Variants in TNIK observed in about 807,000 individuals in gnomAD.
TNIK encodes TRAF2 and NCK interacting kinase, also known as TRAF2 and NCK-interacting protein kinase.
TNIK carries 49 observed loss-of-function variants against 191.3 expected under a neutral mutation model. The observed-to-expected ratio is 0.26, with a 90% CI of 0.20 to 0.32. The LOEUF (loss-of-function observed/expected upper bound fraction) is 0.32, where lower values mean the gene tolerates loss of function less well. Ranked by LOEUF, TNIK falls within the 10% of genes least tolerant of loss-of-function variation. TNIK has a pLI of 1.00. For synonymous variants in TNIK, 594 were observed against 600.9 expected, an observed-to-expected ratio of 0.99 and a Z score of 0.17; for missense variants, 1,155 against 1,702.3, an observed-to-expected ratio of 0.68 and a Z score of 5.66.
intron 12 of TNIK, among the ~76,000 whole-genome samples, chr3:171,144,725 C>T (rs1731299579): frequency 6.6e-6 from 1 of 152,208 alleles, no homozygotes; most frequent in Admixed American, 6.5e-5. Context: ...ACTTATTCCT[C>T]TCGTCTATAG....
At chr3:171,193,465 G>C (rs578123687) in intron 5 of TNIK, among the ~76,000 whole-genome samples, 5 of 152,076 alleles carry the variant, frequency 3.3e-5, no homozygotes, top group Non-Finnish European at 7.4e-5. Context: ...ATTTATTAAG[G>C]TCTTCTTTAA....
At chr3:171,249,470 C>T (rs973570594) in intron 2 of TNIK, among the ~76,000 whole-genome samples, 16 of 152,138 alleles carry the variant, frequency 1.1e-4, no homozygotes, top group Admixed American at 1.0e-3. Context: ...CTTAAGGGGG[C>T]TGGAGGGATG....
rs1315462222 is a variant in TNIK, at chr3:171,073,507, CAAAA to C, written c.3449-2188_3449-2185del. ...ACCTCAAAAGCAAATGCAACAAAAA[CAAAA>C]AAAGACAAATGGGACTTAATTAATA... is the stretch of plus-strand genomic sequence containing the variant. On this transcript the variant is annotated intron_variant, in intron 28 of 32. Transcript: ENST00000436636. 3.3e-5 allele frequency among the ~76,000 whole-genome samples: 5 copies of C among 151,880 alleles called. No homozygotes were observed. The East Asian group carries it at 5.8e-4, about 18-fold the overall frequency.
chr3:171,302,285 T>G (rs368188340), intron 2 of TNIK, among the ~76,000 whole-genome samples: 2 of 152,134 alleles, frequency 1.3e-5, no homozygotes, highest in African/African-American at 4.8e-5. Flanking sequence ...GGAGGTGCAT[T>G]CCTAGTTTGG....
intron 2 of TNIK, among the ~76,000 whole-genome samples, chr3:171,326,947 C>T (rs993577670): frequency 1.1e-4 from 16 of 152,128 alleles, no homozygotes; most frequent in Admixed American, 1.0e-3. Context: ...ATCATCTACT[C>T]CTACAGGATG....
Position 171,060,206 on chromosome 3 carries a change from AG to A in TNIK, c.*3674del, listed in dbSNP as rs1297515839. 3.3e-5 allele frequency among the ~76,000 whole-genome samples: 5 copies of A among 151,670 alleles called. No homozygotes were observed. Among genetic ancestry groups the A allele is most frequent in the African/African-American group, 1.2e-4 (5 of 41,280 alleles). The stretch of plus-strand genomic sequence containing the variant: ...GTAGTAGGGAAAGCATTTTTTTAAA[AG>A]CTTCGTGGAATGTGAGACTTTAGCC... On this transcript the variant is annotated 3_prime_UTR_variant, in exon 33 of 33. Transcript: ENST00000436636.
At chr3:171,153,138 T>C (rs545411868) in intron 12 of TNIK, among the ~76,000 whole-genome samples, 1 of 152,284 alleles carries the variant, frequency 6.6e-6, no homozygotes, top group African/African-American at 2.4e-5. Context: ...CTTCCTGACC[T>C]CTGAGCAGCA....
At chr3:171,347,323 A>G (rs1465993516) in intron 2 of TNIK, 2 of 1,258,724 alleles carry the variant, frequency 1.6e-6, no homozygotes, top group African/African-American at 1.5e-5. Context: ...AGTTCTAAGT[A>G]GCATCTAGAT....
intron 9 of TNIK, among the ~76,000 whole-genome samples, chr3:171,172,141 CA>C (rs112854370): frequency 8.6e-5 from 13 of 151,426 alleles, no homozygotes; most frequent in East Asian, 3.9e-4. Flanking sequence ...AGTTAAAAAA[CA>C]AAAAAAAAGT....
intron 2 of TNIK, among the ~76,000 whole-genome samples, chr3:171,348,473 G>A (rs1033944500): frequency 1.3e-5 from 2 of 151,898 alleles, no homozygotes; most frequent in Non-Finnish European, 2.9e-5. Context: ...GCCAACGAAC[G>A]TATCCATTAG....
intron 21 of TNIK, among the ~76,000 whole-genome samples, chr3:171,106,352 T>G (rs759529737): frequency 1.6e-4 from 24 of 152,190 alleles, no homozygotes; most frequent in Non-Finnish European, 3.2e-4. Flanking sequence ...ATGAGACTAG[T>G]CTCAGCCAGT....
chr3:171,218,461 C>A (rs919608021), intron 3 of TNIK, among the ~76,000 whole-genome samples: 4 of 151,544 alleles, frequency 2.6e-5, no homozygotes, highest in Admixed American at 6.6e-5. Flanking sequence ...CCATAAATGG[C>A]GTGGCTTATA....
intron 2 of TNIK, among the ~76,000 whole-genome samples, chr3:171,333,785 T>G (rs1756664252): frequency 1.3e-5 from 2 of 152,200 alleles, no homozygotes; most frequent in South Asian, 4.1e-4. Context: ...AGGCCCCAGA[T>G]AGTAACCTTT....
At chr3:171,270,839 A>G (rs900465191) in intron 2 of TNIK, among the ~76,000 whole-genome samples, 3 of 152,240 alleles carry the variant, frequency 2.0e-5, no homozygotes, top group Non-Finnish European at 4.4e-5. Context: ...CCTGCTTCAT[A>G]GAGGTTAAAT....
intron 15 of TNIK, among the ~76,000 whole-genome samples, chr3:171,130,390 T>A (rs1729081769): frequency 6.6e-6 from 1 of 152,200 alleles, no homozygotes; most frequent in African/African-American, 2.4e-5. Context: ...CAATTGGCTT[T>A]GGTTTTGAAA....
At chr3:171,212,436 G>A (rs1284609230) in intron 3 of TNIK, among the ~76,000 whole-genome samples, 2 of 152,044 alleles carry the variant, frequency 1.3e-5, no homozygotes, top group African/African-American at 2.4e-5. Context: ...CATTGGTATG[G>A]AGGTATGTCC....
chr3:171,435,949 G>A (rs990643565), intron 1 of TNIK, among the ~76,000 whole-genome samples: 4 of 152,210 alleles, frequency 2.6e-5, no homozygotes, highest in African/African-American at 7.2e-5. Context: ...TTGTTCTGGA[G>A]TGGGGGCAGT....
intron 1 of TNIK, among the ~76,000 whole-genome samples, chr3:171,427,654 A>T (rs532500297): frequency 1.3e-5 from 2 of 152,186 alleles, no homozygotes; most frequent in South Asian, 4.1e-4. Flanking sequence ...CTCTCGCATT[A>T]GTTAAAAATT....
intron 12 of TNIK, among the ~76,000 whole-genome samples, chr3:171,150,399 G>C (rs7615887): frequency 0.021 from 3,273 of 152,236 alleles, 122 homozygotes; most frequent in African/African-American, 0.075. Context: ...GTGTCTTACT[G>C]AACTGCCACG....
Sources: gnomAD v4.1 joint callset for allele counts (sites outside exome capture counted in the v4.1 genomes callset) on GRCh38, gnomAD v4.1.1 for gene constraint, MANE v1.5 for transcripts, NCBI Gene and HGNC (gene_info 2026-07-23, HGNC 2026-07-21) for gene names.